PCDHGA2: variants seen among roughly 807,000 people sequenced by gnomAD.
PCDHGA2 encodes protocadherin gamma-A2.
Under a neutral mutation model 59.2 loss-of-function variants are expected in PCDHGA2, and 40 were observed. That is an observed-to-expected ratio of 0.68 (90% CI 0.52 to 0.88). PCDHGA2 has a LOEUF of 0.88. Ranked by LOEUF, PCDHGA2 falls within the 40% of genes least tolerant of loss-of-function variation. The pLI, the probability that PCDHGA2 is intolerant of heterozygous loss-of-function variation, is 0.00. For missense variants in PCDHGA2, 1,226 were observed against 1,204.0 expected (o/e 1.02, Z -0.27); for synonymous variants, 560 against 526.0 (o/e 1.06, Z -0.89).
At chr5:141,383,688 G>A (rs1246896425) in intron 1 of PCDHGA2, 6 of 1,614,008 alleles carry the variant, frequency 3.7e-6, no homozygotes, top group Non-Finnish European at 5.1e-6. Context: ...GACTGCTCAC[G>A]GTACATGCTA....
Position 141,485,060 on chromosome 5 carries a change from G to T in PCDHGA2, c.2425-9747G>T. The T allele has an allele frequency of 1.2e-6, 1 of 862,304 alleles. No individual in the cohort carries two copies. 53.4% of individuals were successfully genotyped at this position (862,304 alleles called of 1,614,324 possible). ...ACCCTTGCGGCGCCGGCCGAACCGC[G>T]CCAGAGCTGGCGCGGGGAAAGGGAG... On this transcript the variant is annotated intron_variant, in intron 1 of 3. Coordinates refer to ENST00000394576, the MANE Select transcript of PCDHGA2 (RefSeq NM_018915.4). The surrounding 1 kb of genome is among the most constrained non-coding windows in gnomAD (Gnocchi z 5.7).
intron 1 of PCDHGA2, chr5:141,343,805 A>G: frequency 2.2e-6 from 1 of 457,870 alleles, no homozygotes; most frequent in Non-Finnish European, 3.8e-6. Context: ...CTCAAGAAGG[A>G]GAACGCAGCT....
chr5:141,366,489 A>C (rs1280216684), intron 1 of PCDHGA2: 1 of 1,614,236 alleles, frequency 6.2e-7, no homozygotes, highest in Non-Finnish European at 8.5e-7. Flanking sequence ...AGGCGCTGGC[A>C]CAAGTCACGC....
At chr5:141,359,409 ATG>A (rs1178126719) in intron 1 of PCDHGA2, among the ~76,000 whole-genome samples, 1 of 152,002 alleles carries the variant, frequency 6.6e-6, no homozygotes, top group Non-Finnish European at 1.5e-5. Flanking sequence ...TTTTTAAAAA[ATG>A]TGTTTTTGTT....
intron 1 of PCDHGA2, chr5:141,478,523 G>T (rs2099461821): frequency 6.2e-7 from 1 of 1,609,908 alleles, no homozygotes; most frequent in Non-Finnish European, 8.5e-7. Context: ...GGTGTTGGGT[G>T]CAGAGAGCGC....
intron 1 of PCDHGA2, chr5:141,418,005 A>G: frequency 6.2e-7 from 1 of 1,613,764 alleles, no homozygotes. Flanking sequence ...GTGGTGGGGA[A>G]CCTCGCTAAG....
intron 1 of PCDHGA2, chr5:141,478,473 A>G (rs2099458384): frequency 6.2e-7 from 1 of 1,613,742 alleles, no homozygotes; most frequent in African/African-American, 1.3e-5. Context: ...GCCAGCCGCC[A>G]GAACACGCTG....
intron 1 of PCDHGA2, chr5:141,478,292 CTATA>C (rs1257685524): frequency 6.2e-7 from 1 of 1,614,146 alleles, no homozygotes; most frequent in Admixed American, 1.7e-5. Flanking sequence ...GTCTAGAGAC[CTATA>C]CCGAGCCCCG....
In PCDHGA2 at chr5:141,487,608, G is replaced by T; in HGVS notation, c.2425-7199G>T. 1 of 1,614,182 alleles carries T rather than the reference G, an allele frequency of 6.2e-7. No individual in the cohort carries two copies. The highest frequency in any genetic ancestry group is 8.5e-7 in the Non-Finnish European group (1 of 1,180,042). On this transcript the variant is annotated intron_variant, in intron 1 of 3. Coordinates refer to ENST00000394576, the MANE Select transcript of PCDHGA2 (RefSeq NM_018915.4). The surrounding 1 kb of genome is among the most constrained non-coding windows in gnomAD (Gnocchi z 5.0). ...TGCCCACCCTCTGATCTTCTCTATG[G>T]GCTAGAGGTGAGACCTTTGCAGGCT...
Position 141,477,797 on chromosome 5 carries a change from A to G in PCDHGA2, c.2425-17010A>G. ...CGTGAACATATTTGTCACTGATCGC[A>G]ATGACAATGCCCCCCAGGTCCTATA... On this transcript the variant is annotated intron_variant, in intron 1 of 3. Coordinates refer to ENST00000394576, the MANE Select transcript of PCDHGA2 (RefSeq NM_018915.4). This position sits in a 1 kb window ranked among gnomAD's most constrained non-coding sequence, Gnocchi z 4.9. 1.2e-6 allele frequency: 2 copies of G among 1,614,082 alleles called. No individual in the cohort carries two copies. Among genetic ancestry groups the G allele is most frequent in the Non-Finnish European group, 1.7e-6 (2 of 1,180,032 alleles).
In PCDHGA2 at chr5:141,432,413, G is replaced by A; in HGVS notation, c.2425-62394G>A. 1.2e-6 allele frequency: 2 copies of A among 1,614,232 alleles called. No homozygotes were observed. The highest frequency in any genetic ancestry group is 2.2e-5 in the South Asian group (2 of 91,082). Reference sequence around the variant, plus strand: ...CAGCAACGTGTCGTTGAGCCTGTTCGTGCTGGACCAGAACGACAATGCGCC... The same window carrying A: ...CAGCAACGTGTCGTTGAGCCTGTTCATGCTGGACCAGAACGACAATGCGCC... On this transcript the variant is annotated intron_variant, in intron 1 of 3. Coordinates refer to ENST00000394576, the MANE Select transcript of PCDHGA2 (RefSeq NM_018915.4). The surrounding 1 kb of genome is among the most constrained non-coding windows in gnomAD (Gnocchi z 6.0).
At chr5:141,389,871 G>A (rs199638280) in intron 1 of PCDHGA2, 73 of 1,613,938 alleles carry the variant, frequency 4.5e-5, no homozygotes, top group Non-Finnish European at 5.8e-5. Flanking sequence ...CCTGGTCTTC[G>A]CCGACAGCTT....
chr5:141,362,304 T>C, intron 1 of PCDHGA2: 1 of 1,614,082 alleles, frequency 6.2e-7, no homozygotes, highest in Non-Finnish European at 8.5e-7. Flanking sequence ...GGTCAGATGC[T>C]TGGGACTGTT....
intron 1 of PCDHGA2, chr5:141,377,847 A>G (rs1774398188): frequency 6.6e-6 from 1 of 152,152 alleles, no homozygotes; most frequent in Non-Finnish European, 1.5e-5. Flanking sequence ...TCTTCCAATT[A>G]AAATTAAGAT....
At chr5:141,478,087 C>T in intron 1 of PCDHGA2, 1 of 1,614,134 alleles carries the variant, frequency 6.2e-7, no homozygotes, top group East Asian at 2.2e-5. Flanking sequence ...CTTCGCTCTC[C>T]ACCACTGCTA....
rs1255326344 is a variant in PCDHGA2, at chr5:141,431,636, A to G, written c.2425-63171A>G. 6.2e-7 allele frequency: 1 copy of G among 1,614,254 alleles called. No homozygotes were observed. ...GGACGACAAGGCGGCCCAAGTTTTC[A>G]AACTAGATTGTAATTCAGGGACAAT... On this transcript the variant is annotated intron_variant, in intron 1 of 3. Transcript: ENST00000394576. This position sits in a 1 kb window ranked among gnomAD's most constrained non-coding sequence, Gnocchi z 4.8.
chr5:141,422,670 C>CA (rs754910458), intron 1 of PCDHGA2: 6 of 1,607,126 alleles, frequency 3.7e-6, no homozygotes, highest in Non-Finnish European at 1.7e-6. Flanking sequence ...TCGACCCGGA[C>CA]AGCAAACAGA....
intron 1 of PCDHGA2, chr5:141,440,169 C>A (rs891186588): frequency 1.3e-5 from 2 of 152,218 alleles, no homozygotes; most frequent in Non-Finnish European, 2.9e-5. Flanking sequence ...TGGGCCATAA[C>A]GCTTTGAAAT....
chr5:141,397,039 A>G (rs2093467837), intron 1 of PCDHGA2, among the ~76,000 whole-genome samples: 1 of 152,236 alleles, frequency 6.6e-6, no homozygotes, highest in Non-Finnish European at 1.5e-5. Context: ...CCACAAATTT[A>G]TGTAAATGAA....
Sources: gnomAD v4.1 joint callset for allele counts (sites outside exome capture counted in the v4.1 genomes callset) on GRCh38, gnomAD v4.1.1 for gene constraint, Gnocchi (gnomAD v3.1) non-coding constraint, MANE v1.5 for transcripts, NCBI Gene and HGNC (gene_info 2026-07-23, HGNC 2026-07-21) for gene names.